CHN2: variants seen among roughly 807,000 people sequenced by gnomAD.
The protein encoded by CHN2 is beta-chimaerin.
In CHN2, 35 loss-of-function variants were observed where a neutral mutation model predicts 56.3. The observed-to-expected ratio is 0.62, with a 90% CI of 0.47 to 0.82. The LOEUF is 0.82. CHN2 is among the 40% of genes least tolerant of loss of function. The probability of loss-of-function intolerance (pLI) is 0.00; values close to 1 mark genes in which losing one functional copy is unlikely to be tolerated. For missense variants in CHN2, 491 were observed against 580.5 expected, an observed-to-expected ratio of 0.85 and a Z score of 1.58; for synonymous variants, 210 against 212.8, an observed-to-expected ratio of 0.99 and a Z score of 0.12.
At chr7:29,257,235 G>C (rs943112420) in intron 1 of CHN2, among the ~76,000 whole-genome samples, 2 of 152,184 alleles carry the variant, frequency 1.3e-5, no homozygotes, top group African/African-American at 4.8e-5. Flanking sequence ...GGCTCTAAGT[G>C]TGGTCCATCC....
At chr7:29,510,868 G>C (rs1015646173) in intron 12 of CHN2, among the ~76,000 whole-genome samples, 1 of 152,194 alleles carries the variant, frequency 6.6e-6, no homozygotes, top group Non-Finnish European at 1.5e-5. Context: ...GTCTGCGTGA[G>C]TGTGTGGGAG....
chr7:29,503,568 T>C (rs1487440754), intron 9 of CHN2, among the ~76,000 whole-genome samples: 16 of 152,152 alleles, frequency 1.1e-4, no homozygotes. Context: ...TGAGGCTAAA[T>C]AGGGCTCAGT....
intron 1 of CHN2, among the ~76,000 whole-genome samples, chr7:29,305,302 C>G (rs1042524566): frequency 3.9e-5 from 6 of 152,078 alleles, no homozygotes; most frequent in Admixed American, 2.6e-4. Context: ...TTTTAAAGCT[C>G]TTACTATGTC....
chr7:29,226,713 A>G (rs1428807708), intron 1 of CHN2, among the ~76,000 whole-genome samples: 1 of 152,346 alleles, frequency 6.6e-6, no homozygotes, highest in Admixed American at 6.5e-5. Context: ...TTTCCTCTGG[A>G]ATTATCCTGG....
chr7:29,323,284 T>C (rs1795509841), intron 1 of CHN2, among the ~76,000 whole-genome samples: 1 of 152,146 alleles, frequency 6.6e-6, no homozygotes, highest in Non-Finnish European at 1.5e-5. Context: ...GATACCCTGC[T>C]CACTCAGAGA....
At chr7:29,235,644 T>G (rs1193504767) in intron 1 of CHN2, among the ~76,000 whole-genome samples, 1 of 152,238 alleles carries the variant, frequency 6.6e-6, no homozygotes, top group Non-Finnish European at 1.5e-5. Flanking sequence ...TGTAGATGTC[T>G]ATCAACAGCA....
At chr7:29,268,486 G>A (rs1790340797) in intron 1 of CHN2, among the ~76,000 whole-genome samples, 2 of 152,106 alleles carry the variant, frequency 1.3e-5, no homozygotes, top group Admixed American at 1.3e-4. Flanking sequence ...ATAAATAGAG[G>A]TGGAAATGCA....
At chr7:29,243,160 T>C (rs1251291608) in intron 1 of CHN2, among the ~76,000 whole-genome samples, 1 of 152,196 alleles carries the variant, frequency 6.6e-6, no homozygotes, top group Non-Finnish European at 1.5e-5. Flanking sequence ...ATTTTACTTT[T>C]CAGAAAAATA....
chr7:29,509,051 T>C (rs1350831408), intron 11 of CHN2, among the ~76,000 whole-genome samples: 1 of 152,222 alleles, frequency 6.6e-6, no homozygotes, highest in African/African-American at 2.4e-5. Flanking sequence ...TACAGATTCA[T>C]GGAGGGCAAG....
intron 1 of CHN2, among the ~76,000 whole-genome samples, chr7:29,274,709 A>G (rs1394512280): frequency 6.6e-6 from 1 of 151,244 alleles, no homozygotes. Context: ...AGCTATTAAA[A>G]CAAACAAAAC....
chr7:29,445,592 CG>C (rs1562613212), intron 6 of CHN2, among the ~76,000 whole-genome samples: 1 of 151,928 alleles, frequency 6.6e-6, no homozygotes, highest in Non-Finnish European at 1.5e-5. Context: ...GCAAAAGGAC[CG>C]TTTTTTCTTT....
chr7:29,354,068 T>G (rs1189148496), intron 1 of CHN2, among the ~76,000 whole-genome samples: 1 of 152,234 alleles, frequency 6.6e-6, no homozygotes, highest in East Asian at 1.9e-4. Flanking sequence ...TCTGGAAATT[T>G]TCTAAGTCAC....
chr7:29,303,349 T>A (rs1793866254), intron 1 of CHN2, among the ~76,000 whole-genome samples: 2 of 152,218 alleles, frequency 1.3e-5, no homozygotes, highest in Non-Finnish European at 2.9e-5. Flanking sequence ...CCTGTTCTTG[T>A]GATGTGCTGG....
intron 12 of CHN2, among the ~76,000 whole-genome samples, chr7:29,511,835 A>G (rs910895905): frequency 6.6e-6 from 1 of 152,114 alleles, no homozygotes; most frequent in Non-Finnish European, 1.5e-5. Flanking sequence ...TGGGAGATAG[A>G]TAGATTGTAA....
At chr7:29,269,729 G>A (rs913359285) in intron 1 of CHN2, among the ~76,000 whole-genome samples, 1 of 152,178 alleles carries the variant, frequency 6.6e-6, no homozygotes, top group African/African-American at 2.4e-5. Context: ...GTTCATAAGA[G>A]GAGGAAGGAT....
chr7:29,182,382 C>T, intron 2 of CHN2, among the ~76,000 whole-genome samples: 1 of 149,902 alleles, frequency 6.7e-6, no homozygotes, highest in Non-Finnish European at 1.5e-5. Flanking sequence ...AAAAGCTCCT[C>T]ATTGTGATAT....
intron 1 of CHN2, among the ~76,000 whole-genome samples, chr7:29,203,552 TG>T (rs752978683): frequency 6.6e-6 from 1 of 150,962 alleles, no homozygotes; most frequent in Non-Finnish European, 1.5e-5. Context: ...TTTTTAAAAA[TG>T]TGTTTAAGGT....
At chr7:29,167,158 A>G (rs1796024601) in intron 2 of CHN2, among the ~76,000 whole-genome samples, 1 of 152,202 alleles carries the variant, frequency 6.6e-6, no homozygotes, top group Non-Finnish European at 1.5e-5. Flanking sequence ...TCAAAGGTAC[A>G]ATATCTTGAA....
intron 1 of CHN2, among the ~76,000 whole-genome samples, chr7:29,268,626 A>C (rs1790357668): frequency 6.6e-6 from 1 of 152,122 alleles, no homozygotes; most frequent in Non-Finnish European, 1.5e-5. Context: ...GGCTTGGATA[A>C]TTGACAGCTG....
Sources: allele counts gnomAD v4.1 joint callset (sites outside exome capture counted in the v4.1 genomes callset), GRCh38; gene constraint gnomAD v4.1.1; transcripts MANE v1.5; gene names NCBI Gene and HGNC (gene_info 2026-07-23, HGNC 2026-07-21).